Variants in FBXO4 observed in about 807,000 individuals in gnomAD.
The protein encoded by FBXO4 is F-box only protein 4.
A neutral mutation model predicts 43.7 loss-of-function variants in FBXO4; 36 were observed. The ratio of observed to expected loss-of-function variants is 0.82; its 90% CI spans 0.63 to 1.09. The LOEUF is 1.09. Among genes scored for constraint, FBXO4 ranks in the 50% least tolerant of loss-of-function variants. FBXO4 has a pLI of 0.00. For synonymous variants in FBXO4, 180 were observed against 165.6 expected, an observed-to-expected ratio of 1.09 and a Z score of -0.67; for missense variants, 435 against 474.1, an observed-to-expected ratio of 0.92 and a Z score of 0.77.
chr5:41,977,977 A>G, the FBXO4 span, among the ~76,000 whole-genome samples: 1 of 152,168 alleles, frequency 6.6e-6, no homozygotes, highest in Non-Finnish European at 1.5e-5. Flanking sequence ...AATAGTTACA[A>G]CTGGGTCATT....
the FBXO4 span, among the ~76,000 whole-genome samples, chr5:42,026,403 T>G: frequency 6.6e-6 from 1 of 151,878 alleles, no homozygotes; most frequent in Admixed American, 6.6e-5. Context: ...GATTTTTGTA[T>G]GCTGATTTTG....
chr5:42,032,057 C>CTCTGTG, the FBXO4 span, among the ~76,000 whole-genome samples: 1 of 139,236 alleles, frequency 7.2e-6, no homozygotes, highest in African/African-American at 2.7e-5. Flanking sequence ...GTCTTTTTTT[C>CTCTGTG]TGTGTGTGTG....
chr5:42,037,168 T>C, the FBXO4 span, among the ~76,000 whole-genome samples: 1 of 152,240 alleles, frequency 6.6e-6, no homozygotes. Context: ...TTTAAGCTCA[T>C]AGTATTTGTG....
At chr5:41,993,738 G>T in the FBXO4 span, among the ~76,000 whole-genome samples, 2 of 151,874 alleles carry the variant, frequency 1.3e-5, no homozygotes, top group African/African-American at 4.8e-5. Context: ...AAGCTGAGGA[G>T]CAAGGAGAGT....
the FBXO4 span, among the ~76,000 whole-genome samples, chr5:41,959,381 A>G: frequency 1.3e-5 from 2 of 151,906 alleles, no homozygotes; most frequent in African/African-American, 2.4e-5. Context: ...TTGTTTTGCG[A>G]AAGTTTTTCA....
the FBXO4 span, among the ~76,000 whole-genome samples, chr5:41,953,284 T>A: frequency 0.37 from 56,334 of 150,494 alleles, 13,270 homozygotes; most frequent in African/African-American, 0.67. Flanking sequence ...ACTGAGAATG[T>A]TGATTTCCAA....
At chr5:42,031,447 C>T in the FBXO4 span, among the ~76,000 whole-genome samples, 763 of 92,280 alleles carry the variant, frequency 8.3e-3, 6 homozygotes, top group African/African-American at 0.03. Context: ...CATCACACAC[C>T]GGGGACTGTT....
the FBXO4 span, among the ~76,000 whole-genome samples, chr5:42,005,697 A>G: frequency 1.3e-5 from 2 of 152,128 alleles, no homozygotes; most frequent in African/African-American, 4.8e-5. Context: ...CCAGCTGTAC[A>G]GAAGTTGATC....
At position 41,925,510 on chromosome 5, in the gene FBXO4, C is replaced by T. The variant is rs1289775249; in HGVS notation, c.189+12C>T. 2.3e-6 allele frequency: 3 copies of T among 1,307,658 alleles called. No individual in the cohort carries two copies. Among genetic ancestry groups the T allele is most frequent in the Non-Finnish European group, 2.0e-6 (2 of 1,020,512 alleles). The allele number at this position is 1,307,658 out of a possible 1,614,324, so 81.0% of individuals were successfully genotyped here. On this transcript the variant is annotated intron_variant, in intron 1 of 6. Coordinates refer to ENST00000281623, the MANE Select transcript of FBXO4 (RefSeq NM_012176.3). ...TGACGCGGCTGCCGGTGAGCGTCGG[C>T]CGCAGGCCGCGGAGGACAGTGGGGC... is the stretch of plus-strand genomic sequence containing the variant.
chr5:42,009,375 ATGTGTG>A, the FBXO4 span, among the ~76,000 whole-genome samples: 1,123 of 143,594 alleles, frequency 7.8e-3, 4 homozygotes, highest in Non-Finnish European at 9.5e-3. Flanking sequence ...GTGTGTGTGT[ATGTGTG>A]TGTGTGTGTG....
chr5:41,976,837 C>T, the FBXO4 span, among the ~76,000 whole-genome samples: 1 of 152,240 alleles, frequency 6.6e-6, no homozygotes, highest in African/African-American at 2.4e-5. Flanking sequence ...CACATTTCCT[C>T]TTCACACGGC....
chr5:42,034,093 T>C, the FBXO4 span, among the ~76,000 whole-genome samples: 15 of 152,232 alleles, frequency 9.9e-5, no homozygotes, highest in Non-Finnish European at 2.1e-4. Flanking sequence ...GTGGTTTTGA[T>C]TTGCATTTCT....
chr5:41,929,996 A>G (rs916705470), intron 3 of FBXO4, 79 bp downstream of exon 3: 4 of 1,197,850 alleles, frequency 3.3e-6, no homozygotes, highest in East Asian at 4.7e-5. Context: ...AATTCATTTT[A>G]AATTAATTAT....
At chr5:41,999,747 C>T in the FBXO4 span, among the ~76,000 whole-genome samples, 1 of 151,016 alleles carries the variant, frequency 6.6e-6, no homozygotes, top group Non-Finnish European at 1.5e-5. Flanking sequence ...GGAGGCTAAG[C>T]CAGTCTCATC....
At position 41,929,720 on chromosome 5, in the gene FBXO4, C is replaced by T. The variant is rs751933550; in HGVS notation, c.449C>T (p.Thr150Ile). 6.2e-7 allele frequency: 1 copy of T among 1,611,762 alleles called. No homozygotes were observed. The highest frequency in any genetic ancestry group is 8.5e-7 in the Non-Finnish European group (1 of 1,178,890). The change falls in exon 3 of 7, where the codon ACA becomes ATA. Residue 150 changes from threonine (T) to isoleucine (I), a missense_variant. By Grantham distance (89) the Thr-to-Ile change is moderately conservative. Transcript: ENST00000281623. ...AGCTATAGAATGTGCTGTCCATACACAAGAAGAGCTTCAAAATCCAGCCGT... is the reference window on the plus strand; with the variant it reads ...AGCTATAGAATGTGCTGTCCATACATAAGAAGAGCTTCAAAATCCAGCCGT... ...MAVYRMCCPY[T>I]RRASKSSRPM...
the FBXO4 span, among the ~76,000 whole-genome samples, chr5:41,969,259 G>A: frequency 6.6e-6 from 1 of 152,030 alleles, no homozygotes; most frequent in African/African-American, 2.4e-5. Flanking sequence ...TACATTTCCA[G>A]AAGAGTTCAT....
the FBXO4 span, among the ~76,000 whole-genome samples, chr5:41,993,959 T>C: frequency 1.3e-5 from 2 of 152,184 alleles, no homozygotes; most frequent in African/African-American, 2.4e-5. Context: ...CAAATGTTAA[T>C]GTCCTTTGGC....
At chr5:42,035,240 T>C in the FBXO4 span, among the ~76,000 whole-genome samples, 2 of 152,080 alleles carry the variant, frequency 1.3e-5, no homozygotes, top group Admixed American at 1.3e-4. Flanking sequence ...TGGGGTTTTC[T>C]AAATGTAGAA....
At chr5:42,005,743 G>C in the FBXO4 span, among the ~76,000 whole-genome samples, 1 of 151,996 alleles carries the variant, frequency 6.6e-6, no homozygotes, top group Non-Finnish European at 1.5e-5. Context: ...TTACCAGTAG[G>C]GGGCAACTGA....
Sources: allele counts gnomAD v4.1 joint callset (sites outside exome capture counted in the v4.1 genomes callset), GRCh38; gene constraint gnomAD v4.1.1; transcripts MANE v1.5; gene names NCBI Gene and HGNC (gene_info 2026-07-23, HGNC 2026-07-21).